Variants in CTNNA2 observed in about 807,000 individuals in gnomAD.
The protein encoded by CTNNA2 is catenin alpha 2.
A neutral mutation model predicts 101.0 loss-of-function variants in CTNNA2; 42 were observed. The observed-to-expected ratio is 0.42, with a 90% CI of 0.32 to 0.54. The LOEUF is 0.54. Ranked by LOEUF, CTNNA2 falls within the 20% of genes least tolerant of loss-of-function variation. The pLI, the probability that CTNNA2 is intolerant of heterozygous loss-of-function variation, is 0.14. For missense variants in CTNNA2, 871 were observed against 1,223.1 expected (o/e 0.71, Z 4.29); for synonymous variants, 450 against 456.4 (o/e 0.99, Z 0.18).
At chr2:79,343,435 T>C (rs1369198179) in intron 3 of CTNNA2, among the ~76,000 whole-genome samples, 1 of 152,204 alleles carries the variant, frequency 6.6e-6, no homozygotes, top group African/African-American at 2.4e-5. Flanking sequence ...AACTGACCTA[T>C]ACTCAGAAAC....
intron 2 of CTNNA2, among the ~76,000 whole-genome samples, chr2:79,297,121 T>A (rs1675997304): frequency 6.6e-6 from 1 of 152,200 alleles, no homozygotes. Flanking sequence ...AAATTCCTTA[T>A]ACTCCTTGTT....
In CTNNA2 at chr2:80,574,328, CTG is replaced by C; in HGVS notation, c.1893+16_1893+17del. On this transcript the variant is annotated intron_variant, in intron 13 of 18. Transcript: ENST00000402739. ...CTGATGATCAGGGTATGTGAGGCCT[CTG>C]TAGCTCAGAGCTGGTCAGATCTCCT... 3 of 1,598,668 alleles carry C rather than the reference CTG, an allele frequency of 1.9e-6. No homozygotes were observed. Among genetic ancestry groups the C allele is most frequent in the Non-Finnish European group, 1.7e-6 (2 of 1,168,758 alleles).
intron 9 of CTNNA2, among the ~76,000 whole-genome samples, chr2:80,514,450 A>C (rs1419004404): frequency 1.3e-5 from 2 of 152,068 alleles, no homozygotes; most frequent in Admixed American, 1.3e-4. Flanking sequence ...TCTACCAATG[A>C]GTGCAAACGG....
intron 1 of CTNNA2, among the ~76,000 whole-genome samples, chr2:79,602,465 A>G (rs1430643): frequency 0.06 from 9,094 of 152,222 alleles, 874 homozygotes; most frequent in African/African-American, 0.2. Flanking sequence ...AGAAAATGAT[A>G]CCCATTATCA....
intron 7 of CTNNA2, among the ~76,000 whole-genome samples, chr2:80,105,685 G>A (rs1430502194): frequency 2.6e-5 from 4 of 151,984 alleles, no homozygotes; most frequent in East Asian, 1.9e-4. Context: ...AGCCATGATC[G>A]ATCATGCCAC....
chr2:80,005,601 A>G (rs1198757112), intron 7 of CTNNA2, among the ~76,000 whole-genome samples: 1 of 152,194 alleles, frequency 6.6e-6, no homozygotes, highest in Non-Finnish European at 1.5e-5. Flanking sequence ...GGCATTTGGA[A>G]AGAAAATCCT....
chr2:80,552,400 A>G (rs1692645494), intron 11 of CTNNA2, among the ~76,000 whole-genome samples: 1 of 152,208 alleles, frequency 6.6e-6, no homozygotes, highest in Non-Finnish European at 1.5e-5. Flanking sequence ...GTTTTTAATA[A>G]AGTACAAATC....
chr2:79,831,224 A>C (rs1243898747), intron 3 of CTNNA2, among the ~76,000 whole-genome samples: 1 of 152,084 alleles, frequency 6.6e-6, no homozygotes, highest in East Asian at 1.9e-4. Flanking sequence ...TTAACTGTTA[A>C]ATTTTGGTTT....
chr2:79,454,881 T>G (rs1301283653), intron 4 of CTNNA2, among the ~76,000 whole-genome samples: 1 of 152,360 alleles, frequency 6.6e-6, no homozygotes, highest in East Asian at 1.9e-4. Flanking sequence ...TATGCTCGTA[T>G]CTTTCTTGTT....
chr2:79,391,817 A>G (rs1454755710), intron 4 of CTNNA2, among the ~76,000 whole-genome samples: 5 of 152,150 alleles, frequency 3.3e-5, no homozygotes, highest in Non-Finnish European at 7.3e-5. Context: ...TAGTTTAAAC[A>G]ACAAAATTTT....
intron 3 of CTNNA2, among the ~76,000 whole-genome samples, chr2:79,361,049 T>C (rs993187438): frequency 1.7e-4 from 26 of 152,156 alleles, no homozygotes; most frequent in African/African-American, 6.0e-4. Flanking sequence ...CACAAGCTCC[T>C]CTTCACTTTA....
In CTNNA2 at chr2:79,635,515, T is replaced by A. The variant is rs535775095; in HGVS notation, c.-5-16037T>A. Among the ~76,000 whole-genome samples, 7 of 152,120 alleles carry A rather than the reference T, an allele frequency of 4.6e-5. No homozygotes were observed. In the South Asian group the frequency reaches 1.5e-3, roughly 32 times the overall value. On this transcript the variant is annotated intron_variant, in intron 1 of 18. Transcript: ENST00000402739. ...ACATGATAGTTCTTCTTCTTCTTTTTTTTTTGAGATGGAGTTTCACTCTTG... is the reference window on the plus strand; with the variant it reads ...ACATGATAGTTCTTCTTCTTCTTTTATTTTTGAGATGGAGTTTCACTCTTG...
At chr2:79,824,797 G>C (rs879367534) in intron 3 of CTNNA2, among the ~76,000 whole-genome samples, 5 of 152,050 alleles carry the variant, frequency 3.3e-5, no homozygotes, top group Non-Finnish European at 7.4e-5. Context: ...CATCAAAAAA[G>C]TTCCCCTTTT....
At chr2:79,303,290 T>G (rs938332799) in intron 2 of CTNNA2, among the ~76,000 whole-genome samples, 1 of 152,176 alleles carries the variant, frequency 6.6e-6, no homozygotes, top group Non-Finnish European at 1.5e-5. Flanking sequence ...AGAAAAGCAC[T>G]ACATCACGCT....
intron 9 of CTNNA2, among the ~76,000 whole-genome samples, chr2:80,472,270 G>T (rs369865091): frequency 6.6e-6 from 1 of 152,132 alleles, no homozygotes; most frequent in South Asian, 2.1e-4. Context: ...CAGCTCAGTG[G>T]CACCAAAAGG....
At chr2:80,196,042 G>T (rs1706809754) in intron 7 of CTNNA2, among the ~76,000 whole-genome samples, 1 of 152,134 alleles carries the variant, frequency 6.6e-6, no homozygotes, top group South Asian at 2.1e-4. Context: ...ATAGATAAGT[G>T]ATATTTTGCT....
At chr2:80,357,154 A>C (rs1050391776) in intron 7 of CTNNA2, among the ~76,000 whole-genome samples, 1 of 151,960 alleles carries the variant, frequency 6.6e-6, no homozygotes, top group African/African-American at 2.4e-5. Flanking sequence ...TAATGAGTCC[A>C]TGGTACCTGT....
intron 7 of CTNNA2, among the ~76,000 whole-genome samples, chr2:80,169,989 A>C (rs1342969870): frequency 2.5e-4 from 38 of 152,314 alleles, no homozygotes; most frequent in Non-Finnish European, 7.4e-5. Flanking sequence ...ACAAGGAAGC[A>C]TGGAAAAGTG....
chr2:79,874,850 C>A (rs1418964387), intron 6 of CTNNA2, among the ~76,000 whole-genome samples: 1 of 152,134 alleles, frequency 6.6e-6, no homozygotes, highest in Non-Finnish European at 1.5e-5. Flanking sequence ...AGTGCCCAAT[C>A]CCTTCCAGGT....
Sources: gnomAD v4.1 joint callset for allele counts (sites outside exome capture counted in the v4.1 genomes callset) on GRCh38, gnomAD v4.1.1 for gene constraint, MANE v1.5 for transcripts, NCBI Gene and HGNC (gene_info 2026-07-23, HGNC 2026-07-21) for gene names.